Variants in CTNNA2 observed in about 807,000 individuals in gnomAD.
CTNNA2 encodes the protein catenin alpha 2, also known as catenin alpha-2.
In CTNNA2, 42 loss-of-function variants were observed where a neutral mutation model predicts 101.0. The ratio of observed to expected loss-of-function variants is 0.42; its 90% CI spans 0.32 to 0.54. The LOEUF (loss-of-function observed/expected upper bound fraction) is 0.54. Ranked by LOEUF, CTNNA2 falls within the 20% of genes least tolerant of loss-of-function variation. The probability of loss-of-function intolerance (pLI) is 0.14; values close to 1 mark genes in which losing one functional copy is unlikely to be tolerated. For missense variants in CTNNA2, 871 were observed against 1,223.1 expected (o/e 0.71, Z 4.29); for synonymous variants, 450 against 456.4 (o/e 0.99, Z 0.18).
At chr2:79,766,202 T>C (rs1431942040) in intron 3 of CTNNA2, among the ~76,000 whole-genome samples, 1 of 152,214 alleles carries the variant, frequency 6.6e-6, no homozygotes, top group African/African-American at 2.4e-5. Context: ...ACATGTCTTG[T>C]AGGACAGGTC....
intron 2 of CTNNA2, among the ~76,000 whole-genome samples, chr2:79,230,908 A>G (rs1482994390): frequency 1.3e-5 from 2 of 152,222 alleles, no homozygotes; most frequent in African/African-American, 4.8e-5. Flanking sequence ...CATGGGGCCT[A>G]TAGCCCCTTT....
chr2:80,527,371 G>A (rs1573141799), intron 9 of CTNNA2, among the ~76,000 whole-genome samples: 1 of 152,172 alleles, frequency 6.6e-6, no homozygotes, highest in East Asian at 1.9e-4. Context: ...GCCACCAGAA[G>A]GGCTAAAAAC....
intron 1 of CTNNA2, among the ~76,000 whole-genome samples, chr2:79,186,187 C>T (rs1276530154): frequency 6.6e-6 from 1 of 152,172 alleles, no homozygotes; most frequent in African/African-American, 2.4e-5. Flanking sequence ...ACACTTTACA[C>T]TTGATAGTGT....
intron 18 of CTNNA2, among the ~76,000 whole-genome samples, chr2:80,633,618 C>G (rs1346584727): frequency 1.3e-5 from 2 of 152,160 alleles, no homozygotes; most frequent in Non-Finnish European, 2.9e-5. Flanking sequence ...TCAAAGAAGA[C>G]TGCATGTTCT....
intron 2 of CTNNA2, among the ~76,000 whole-genome samples, chr2:79,225,144 A>T (rs2104228361): frequency 6.6e-6 from 1 of 152,252 alleles, no homozygotes; most frequent in East Asian, 1.9e-4. Context: ...AATATCTAGT[A>T]GTGGAACTGC....
At chr2:80,241,363 TGAGG>T (rs1268846223) in intron 7 of CTNNA2, among the ~76,000 whole-genome samples, 1 of 151,730 alleles carries the variant, frequency 6.6e-6, no homozygotes, top group African/African-American at 2.4e-5. Context: ...TAGAGTCAGT[TGAGG>T]GAGGAAGGAG....
intron 9 of CTNNA2, among the ~76,000 whole-genome samples, chr2:80,461,514 C>T (rs1472927956): frequency 3.3e-5 from 5 of 152,136 alleles, no homozygotes; most frequent in African/African-American, 1.2e-4. Context: ...TTGCAAAGGT[C>T]CTAAATAAAG....
chr2:80,375,326 AG>A (rs1675839097), intron 7 of CTNNA2, among the ~76,000 whole-genome samples: 1 of 151,902 alleles, frequency 6.6e-6, no homozygotes, highest in African/African-American at 2.4e-5. Flanking sequence ...TGAGGAAGAG[AG>A]GGGGAAGGGA....
intron 7 of CTNNA2, chr2:80,313,607 G>A (rs1395974576): frequency 1.2e-6 from 2 of 1,611,376 alleles, no homozygotes; most frequent in Non-Finnish European, 1.7e-6. Context: ...CAAAGTCTGT[G>A]AAAAAAATAT....
intron 17 of CTNNA2, among the ~76,000 whole-genome samples, chr2:80,618,074 T>G (rs990354363): frequency 6.6e-6 from 1 of 151,862 alleles, no homozygotes; most frequent in Non-Finnish European, 1.5e-5. Context: ...ATCAATAACT[T>G]TGAGTATTCT....
At chr2:79,206,654 C>A (rs1354929055) in intron 2 of CTNNA2, among the ~76,000 whole-genome samples, 1 of 152,174 alleles carries the variant, frequency 6.6e-6, no homozygotes, top group Non-Finnish European at 1.5e-5. Context: ...CTTAAATGAA[C>A]TAAGCTAGCT....
rs959041264 is a variant in CTNNA2, at chr2:79,849,339, T to C, written c.299-8674T>C. ...GATAAGGCTTTCTTCTGAATACTGCTTATTTAAGCCAAATATTATCTTGTT... is the reference window on the plus strand; with the variant it reads ...GATAAGGCTTTCTTCTGAATACTGCCTATTTAAGCCAAATATTATCTTGTT... On this transcript the variant is annotated intron_variant, in intron 3 of 18. Coordinates refer to ENST00000402739, the MANE Select transcript of CTNNA2 (RefSeq NM_001282597.3). Among the ~76,000 whole-genome samples, 6 of 152,132 alleles carry C rather than the reference T, an allele frequency of 3.9e-5. No homozygotes were observed. In the East Asian group the frequency reaches 1.2e-3, roughly 29 times the overall value.
intron 7 of CTNNA2, among the ~76,000 whole-genome samples, chr2:80,279,540 A>T (rs1304986807): frequency 6.6e-6 from 1 of 152,116 alleles, no homozygotes; most frequent in East Asian, 1.9e-4. Flanking sequence ...ATATTATACT[A>T]TTTATTTTTT....
chr2:79,867,349 A>G (rs62141581), intron 4 of CTNNA2, among the ~76,000 whole-genome samples: 3,018 of 137,442 alleles, frequency 0.022, 104 homozygotes, highest in African/African-American at 0.075. Context: ...CTATCTGTCT[A>G]TCTATCAATC....
rs1311306026 is a variant in CTNNA2 at position 79,719,479 on chromosome 2, T to G, written c.103-24908T>G. On this transcript the variant is annotated intron_variant, in intron 2 of 18. Coordinates refer to ENST00000402739, the MANE Select transcript of CTNNA2 (RefSeq NM_001282597.3). ...TTATTTGGGAAATCTCCAAACTGCT[T>G]TCTACAGTGGCTGAACTAATTGATA... Among the ~76,000 whole-genome samples, 3 of 152,180 alleles carry G rather than the reference T, an allele frequency of 2.0e-5. No individual in the cohort carries two copies. In the East Asian group the frequency reaches 5.8e-4, roughly 29 times the overall value.
intron 2 of CTNNA2, among the ~76,000 whole-genome samples, chr2:79,217,493 G>A (rs1193390361): frequency 2.6e-5 from 4 of 152,104 alleles, no homozygotes; most frequent in East Asian, 1.9e-4. Flanking sequence ...GTTCTCTGGC[G>A]GGCAGGAGTG....
intron 8 of CTNNA2, among the ~76,000 whole-genome samples, chr2:80,397,495 G>C (rs909199034): frequency 6.6e-6 from 1 of 152,036 alleles, no homozygotes; most frequent in Non-Finnish European, 1.5e-5. Flanking sequence ...TGAATCATGG[G>C]GGCAGGTCTT....
At chr2:79,658,297 A>C (rs1434487093) in intron 2 of CTNNA2, among the ~76,000 whole-genome samples, 1 of 151,976 alleles carries the variant, frequency 6.6e-6, no homozygotes, top group Admixed American at 6.6e-5. Context: ...TGTAAAATAT[A>C]GATAATAATA....
chr2:79,934,855 A>G (rs1687674583), intron 7 of CTNNA2, among the ~76,000 whole-genome samples: 2 of 152,254 alleles, frequency 1.3e-5, no homozygotes, highest in African/African-American at 4.8e-5. Context: ...AGATAGATTT[A>G]GAATAAATGC....
Sources: gnomAD v4.1 joint callset for allele counts (sites outside exome capture counted in the v4.1 genomes callset) on GRCh38, gnomAD v4.1.1 for gene constraint, MANE v1.5 for transcripts, NCBI Gene and HGNC (gene_info 2026-07-23, HGNC 2026-07-21) for gene names.